Variants in ZNF236 observed in about 807,000 individuals in gnomAD.
ZNF236 encodes the protein zinc finger protein 236.
A neutral mutation model predicts 191.2 loss-of-function variants in ZNF236; 50 were observed. The ratio of observed to expected loss-of-function variants is 0.26; its 90% CI spans 0.21 to 0.33. The LOEUF (loss-of-function observed/expected upper bound fraction) is 0.33, where lower values mean the gene tolerates loss of function less well. Among genes scored for constraint, ZNF236 ranks in the 10% least tolerant of loss-of-function variants. The probability of loss-of-function intolerance (pLI) is 1.00; values close to 1 mark genes in which losing one functional copy is unlikely to be tolerated. For missense variants in ZNF236, 1,754 were observed against 2,374.5 expected (o/e 0.74, Z 5.43); for synonymous variants, 907 against 928.8 (o/e 0.98, Z 0.43).
In ZNF236 at chr18:76,971,530, G is replaced by C. The variant is rs576669570; in HGVS notation, c.*3191G>C. Among the ~76,000 whole-genome samples the C allele has an allele frequency of 6.6e-6, 1 of 152,290 alleles. No individual in the cohort carries two copies. Among genetic ancestry groups the C allele is most frequent in the African/African-American group, 2.4e-5 (1 of 41,570 alleles). On this transcript the variant is annotated 3_prime_UTR_variant, in exon 31 of 31. Coordinates refer to ENST00000320610, the MANE Select transcript of ZNF236 (RefSeq NM_001306089.2). The stretch of plus-strand genomic sequence containing the variant: ...CTACTCCCCTGTTGTAATATTTTAA[G>C]GAAACTTGATCTTTGAAATTATAGC...
intron 14 of ZNF236, among the ~76,000 whole-genome samples, chr18:76,909,338 A>AG (rs397702951): frequency 2.6e-5 from 4 of 150,968 alleles, no homozygotes; most frequent in Admixed American, 2.6e-4. Flanking sequence ...AAAAAAAAAA[A>AG]TTATACAAAT....
At chr18:76,851,695 T>A in intron 2 of ZNF236, 80 bp from the exon 3 acceptor site, 1 of 1,455,552 alleles carries the variant, frequency 6.9e-7, no homozygotes, top group South Asian at 1.4e-5. Flanking sequence ...TTATGGTACT[T>A]GTTAATATTT....
At chr18:76,851,607 G>A (rs1975873632) in intron 2 of ZNF236, among the ~76,000 whole-genome samples, 168 bp from the exon 3 acceptor site, 1 of 152,158 alleles carries the variant, frequency 6.6e-6, no homozygotes, top group African/African-American at 2.4e-5. Context: ...TCTGTCAGGT[G>A]CTTTACTGTG....
In ZNF236 at chr18:76,972,358, C is replaced by T. The variant is rs1364024290; in HGVS notation, c.*4019C>T. ...TGCCACAACATGTCCTGTTTGGTGG[C>T]TGGCCCTCTCCGAACGGATTCCCCT... is the stretch of plus-strand genomic sequence containing the variant. On this transcript the variant is annotated 3_prime_UTR_variant, in exon 31 of 31. Coordinates refer to ENST00000320610, the MANE Select transcript of ZNF236 (RefSeq NM_001306089.2). Among the ~76,000 whole-genome samples, 1 of 152,158 alleles carries T rather than the reference C, an allele frequency of 6.6e-6. No homozygotes were observed. Among genetic ancestry groups the T allele is most frequent in the African/African-American group, 2.4e-5 (1 of 41,428 alleles).
rs771016845 is a variant in ZNF236, at chr18:76,908,532, T to C, written c.2510T>C (p.Leu837Pro). 3.7e-6 allele frequency: 6 copies of C among 1,612,872 alleles called. No individual in the cohort carries two copies. In the Admixed American group the frequency reaches 8.3e-5, roughly 22 times the overall value. Residue 837 changes from leucine (L) to proline (P), a missense_variant, in exon 14 of 31, where the codon CTG becomes CCG. Coordinates refer to ENST00000320610, the MANE Select transcript of ZNF236 (RefSeq NM_001306089.2). ...GTGGTGGGCACGGAGGAAGCAGGGC[T>C]GGGCCAGCAGTTGGCAGATCAGCCC... Reference protein sequence around the residue: ...QHVVGTEEAGLGQQLADQPLE... With the variant: ...QHVVGTEEAGPGQQLADQPLE...
At chr18:76,915,950 G>A in intron 19 of ZNF236, 91 bp downstream of exon 19, 1 of 1,226,276 alleles carries the variant, frequency 8.2e-7, no homozygotes, top group Non-Finnish European at 1.2e-6. Context: ...TTTTGACGTG[G>A]CTATATATAG....
chr18:76,899,629 TC>T (rs1163574159), intron 11 of ZNF236, among the ~76,000 whole-genome samples: 1 of 152,238 alleles, frequency 6.6e-6, no homozygotes, highest in Non-Finnish European at 1.5e-5. Context: ...GCTACTTTAA[TC>T]TTTGGATTAA....
At chr18:76,931,480 A>G (rs1277368118) in intron 25 of ZNF236, among the ~76,000 whole-genome samples, 1 of 152,102 alleles carries the variant, frequency 6.6e-6, no homozygotes, top group Admixed American at 6.5e-5. Context: ...ATTTTATTCA[A>G]CTGTACAAAG....
Position 76,960,587 on chromosome 18 carries a change from C to T in ZNF236, c.5243-92C>T, listed in dbSNP as rs1023553582. On this transcript the variant is annotated intron_variant, in intron 29 of 30. Coordinates refer to ENST00000320610, the MANE Select transcript of ZNF236 (RefSeq NM_001306089.2). This position sits in a 1 kb window ranked among gnomAD's most constrained non-coding sequence, Gnocchi z 4.4. ...CTGAAAGCCTAAAAGAAAAGAGGAA[C>T]ATTCAGTCCCTCTTGTTCATACCTC... 30 of 1,462,804 alleles carry T rather than the reference C, an allele frequency of 2.1e-5. No individual in the cohort carries two copies. In the Middle Eastern group the frequency reaches 5.2e-4, roughly 25 times the overall value. 90.6% of individuals were successfully genotyped at this position (1,462,804 alleles called of 1,614,324 possible). A position where few individuals can be genotyped will look rare whatever the true frequency, so the allele number is the denominator to read the frequency against.
At chr18:76,923,024 C>A in intron 20 of ZNF236, 47 bp from the exon 21 acceptor site, 2 of 1,372,590 alleles carry the variant, frequency 1.5e-6, no homozygotes, top group South Asian at 1.2e-5. Context: ...AATTTCAAAT[C>A]ATGAAGTCGT....
At position 76,849,545 on chromosome 18, in the gene ZNF236, T is replaced by C; in HGVS notation, c.75T>C (p.Asn25=). The change falls in exon 2 of 31, where the codon AAT becomes AAC. Residue 25 remains asparagine, a synonymous_variant. Coordinates refer to ENST00000320610, the MANE Select transcript of ZNF236 (RefSeq NM_001306089.2). Reference sequence around the variant, plus strand: ...TTATAGATGGAGTTTTAACATTGAATGCGGAGAACACTAATTATGCCTATC... The same window carrying C: ...TTATAGATGGAGTTTTAACATTGAACGCGGAGAACACTAATTATGCCTATC... ...RGDSDGVLTL[N]AENTNYAYQV... The C allele has an allele frequency of 6.2e-7, 1 of 1,610,438 alleles. No homozygotes were observed. Among genetic ancestry groups the C allele is most frequent in the Non-Finnish European group, 8.5e-7 (1 of 1,178,988 alleles).
rs1977706158 is a variant in ZNF236, at chr18:76,905,188, T to C, written c.2070T>C (p.Ser690=). ...CAGGTGAAAAACCTTTTAAATGTTC[T>C]CAGTGTGGAAGAGGCTTTGTTTCTG... The part of the protein sequence containing the change: ...SHTGEKPFKC[S]QCGRGFVSAG... Residue 690 remains serine (S), a synonymous_variant, in exon 13 of 31, where the codon TCT becomes TCC. Coordinates refer to ENST00000320610, the MANE Select transcript of ZNF236 (RefSeq NM_001306089.2). 6.2e-7 allele frequency: 1 copy of C among 1,613,994 alleles called. No individual in the cohort carries two copies. The highest frequency in any genetic ancestry group is 8.5e-7 in the Non-Finnish European group (1 of 1,180,004).
At chr18:76,912,961 G>T (rs1967258861) in intron 17 of ZNF236, among the ~76,000 whole-genome samples, 1 of 152,222 alleles carries the variant, frequency 6.6e-6, no homozygotes, top group African/African-American at 2.4e-5. Flanking sequence ...AGATTTACAA[G>T]AGTGAATTTT....
In ZNF236 at chr18:76,875,812, C is replaced by A. The variant is rs541335709; in HGVS notation, c.840+148C>A. The A allele has an allele frequency of 1.7e-5, 15 of 866,438 alleles. No homozygotes were observed. Among genetic ancestry groups the A allele is most frequent in the Non-Finnish European group, 2.2e-5 (14 of 647,354 alleles). The allele number at this position is 866,438 out of a possible 1,614,324, so 53.7% of individuals were successfully genotyped here. On this transcript the variant is annotated intron_variant, in intron 6 of 30. Coordinates refer to ENST00000320610, the MANE Select transcript of ZNF236 (RefSeq NM_001306089.2). This position sits in a 1 kb window ranked among gnomAD's most constrained non-coding sequence, Gnocchi z 4.3. ...CAGACCCTGTTTTAAAAAATACATA[C>A]GTGGGAATTTTTTTGGTTTATTACA...
Position 76,872,695 on chromosome 18 carries a change from T to C in ZNF236, c.667+870T>C, listed in dbSNP as rs75861387. On this transcript the variant is annotated intron_variant, in intron 5 of 30. Transcript: ENST00000320610. ...TGTAAAGAGCAGCCTGGTTATAATA[T>C]TGTATTAGTAACACGCATGATCTCT... is the stretch of plus-strand genomic sequence containing the variant. Among the ~76,000 whole-genome samples, 545 of 152,310 alleles carry C rather than the reference T, an allele frequency of 3.6e-3. 4 individuals are homozygous for C. Among genetic ancestry groups the C allele is most frequent in the African/African-American group, 0.012 (518 of 41,584 alleles).
At chr18:76,874,459 A>T (rs1483912559) in intron 5 of ZNF236, among the ~76,000 whole-genome samples, 1 of 151,984 alleles carries the variant, frequency 6.6e-6, no homozygotes, top group Non-Finnish European at 1.5e-5. Flanking sequence ...GCTAGTGTGC[A>T]CAGGGCCCTG....
intron 25 of ZNF236, among the ~76,000 whole-genome samples, chr18:76,935,062 A>G (rs941507881): frequency 6.6e-6 from 1 of 152,254 alleles, no homozygotes. Context: ...AGAGTCTACA[A>G]TCTTCACTTC....
intron 5 of ZNF236, 92 bp downstream of exon 5, chr18:76,871,917 A>T: frequency 6.8e-7 from 1 of 1,478,214 alleles, no homozygotes; most frequent in Non-Finnish European, 9.3e-7. Flanking sequence ...ATCTGATCCC[A>T]GCTTTCTCAT....
At chr18:76,848,269 T>A (rs1238686922) in intron 1 of ZNF236, among the ~76,000 whole-genome samples, 1 of 152,248 alleles carries the variant, frequency 6.6e-6, no homozygotes, top group Non-Finnish European at 1.5e-5. Flanking sequence ...CTTGAGCTAC[T>A]TGGTTCTTCA....
Sources: gnomAD v4.1 joint callset for allele counts (sites outside exome capture counted in the v4.1 genomes callset) on GRCh38, gnomAD v4.1.1 for gene constraint, Gnocchi (gnomAD v3.1) non-coding constraint, MANE v1.5 for transcripts, NCBI Gene and HGNC (gene_info 2026-07-23, HGNC 2026-07-21) for gene names.